Variants in PRDM11 observed in about 807,000 individuals in gnomAD.
PRDM11 encodes the protein PR/SET domain 11, also known as PR domain-containing protein 11.
A neutral mutation model predicts 97.8 loss-of-function variants in PRDM11; 20 were observed. The observed-to-expected ratio is 0.20, with a 90% confidence interval of 0.14 to 0.30. The LOEUF (loss-of-function observed/expected upper bound fraction) is 0.30. Among genes scored for constraint, PRDM11 ranks in the 10% least tolerant of loss-of-function variants. The pLI, the probability that PRDM11 is intolerant of heterozygous loss-of-function variation, is 1.00. For missense variants in PRDM11, 1,139 were observed against 1,555.2 expected, an observed-to-expected ratio of 0.73 and a Z score of 4.50; for synonymous variants, 599 against 637.7, an observed-to-expected ratio of 0.94 and a Z score of 0.91.
chr11:45,171,375 C>T (rs544586089), intron 1 of PRDM11, among the ~76,000 whole-genome samples: 40 of 152,302 alleles, frequency 2.6e-4, no homozygotes, highest in Middle Eastern at 3.4e-3. Flanking sequence ...GCTGGGATTA[C>T]AGGCCTCAGC....
In PRDM11 at chr11:45,138,537, C is replaced by T. The variant is rs542323720; in HGVS notation, c.96+42636C>T. Among the ~76,000 whole-genome samples, 515 of 152,244 alleles carry T rather than the reference C, an allele frequency of 3.4e-3. 4 individuals are homozygous for T. Among genetic ancestry groups the T allele is most frequent in the African/African-American group, 0.012 (494 of 41,532 alleles). On this transcript the variant is annotated intron_variant, in intron 1 of 6. Coordinates refer to the PRDM11 transcript ENST00000530656. ...GAGCCATGACCATGCCACTGAACTC[C>T]GGCTTGGGTGACAGAGCGAGACTCT...
chr11:45,129,056 A>G (rs953328114), intron 1 of PRDM11, among the ~76,000 whole-genome samples: 5 of 152,198 alleles, frequency 3.3e-5, no homozygotes, highest in Non-Finnish European at 7.4e-5. Flanking sequence ...TAAAGGAGAA[A>G]AAGCATATAA....
At chr11:45,162,618 G>C (rs1000075852) in intron 1 of PRDM11, among the ~76,000 whole-genome samples, 3 of 152,134 alleles carry the variant, frequency 2.0e-5, no homozygotes, top group Admixed American at 6.5e-5. Flanking sequence ...TTAATCTTCA[G>C]GGTAGCATCA....
At chr11:45,101,567 AAAGAAGAAG>A (rs1554963213) in intron 1 of PRDM11, among the ~76,000 whole-genome samples, 17 of 96,834 alleles carry the variant, frequency 1.8e-4, no homozygotes, top group African/African-American at 4.4e-4. Context: ...AAAAAAAAAA[AAAGAAGAAG>A]AAGAAGAAGA....
At chr11:45,151,035 C>G (rs114964946) in intron 1 of PRDM11, among the ~76,000 whole-genome samples, 1,561 of 152,300 alleles carry the variant, frequency 0.01, 26 homozygotes, top group African/African-American at 0.036. Flanking sequence ...GGAGTGAGGG[C>G]AGAGAACCCC....
Position 45,225,980 on chromosome 11 carries a change from C to T in PRDM11, c.1370-15C>T, listed in dbSNP as rs1444408083. 8 of 1,469,784 alleles carry T rather than the reference C, an allele frequency of 5.4e-6. No individual in the cohort carries two copies. The African/African-American group carries it at 7.1e-5, about 13-fold the overall frequency. The allele number at this position is 1,469,784 out of a possible 1,614,324, so 91.0% of individuals were successfully genotyped here. A position where few individuals can be genotyped will look rare whatever the true frequency, so the allele number is the denominator to read the frequency against. On this transcript the variant is annotated splice_polypyrimidine_tract_variant and intron_variant, in intron 7 of 7. Transcript: ENST00000683152. ...TCCCCCAGGTATAAATGTTTCTTTC[C>T]CATTTGTTTTTCAGCCTCAGAAAGC...
intron 1 of PRDM11, among the ~76,000 whole-genome samples, chr11:45,108,108 G>A (rs1427835160): frequency 2.0e-5 from 3 of 152,232 alleles, no homozygotes; most frequent in Admixed American, 6.5e-5. Context: ...GATTACAAGC[G>A]TGAGCCACTG....
At chr11:45,215,624 G>T (rs1271910050) in intron 5 of PRDM11, among the ~76,000 whole-genome samples, 1 of 152,218 alleles carries the variant, frequency 6.6e-6, no homozygotes, top group Non-Finnish European at 1.5e-5. Flanking sequence ...AAGATTTTCA[G>T]TTTCTGTTTC....
At position 45,227,424 on chromosome 11, in the gene PRDM11, C is replaced by A; in HGVS notation, c.2799C>A (p.Phe933Leu). The stretch of plus-strand genomic sequence containing the variant: ...CCCCGGGAGAATACCTGCAGGAGTT[C>A]GAGGAGAATTTCCGAGAGAGCTTCA... ...ADSPGEYLQE[F>L]EENFRESFNG... is the part of the protein sequence containing the mutation. The change falls in exon 8 of 8, where the codon TTC (phenylalanine) becomes TTA (leucine). Residue 933 changes from phenylalanine to leucine, a missense_variant. Phe to Leu is a conservative substitution (Grantham distance 22, BLOSUM62 0). Transcript: ENST00000683152. This position sits in a 1 kb window ranked among gnomAD's most constrained non-coding sequence, Gnocchi z 8.0. 1 of 1,533,828 alleles carries A rather than the reference C, an allele frequency of 6.5e-7. No individual in the cohort carries two copies. Among genetic ancestry groups the A allele is most frequent in the Non-Finnish European group, 8.7e-7 (1 of 1,146,714 alleles).
chr11:45,162,089 G>A (rs1005454863), intron 1 of PRDM11, among the ~76,000 whole-genome samples: 12 of 152,214 alleles, frequency 7.9e-5, no homozygotes, highest in African/African-American at 2.9e-4. Flanking sequence ...CAGAGGTTTG[G>A]GATTATTTCC....
chr11:45,212,693 A>G (rs1853798140), intron 5 of PRDM11: 1 of 455,612 alleles, frequency 2.2e-6, no homozygotes, highest in Non-Finnish European at 4.4e-6. Context: ...CAGCCCACCC[A>G]CCACGGGCCT....
intron 5 of PRDM11, among the ~76,000 whole-genome samples, chr11:45,218,360 T>C (rs1854016763): frequency 6.6e-6 from 1 of 152,242 alleles, no homozygotes; most frequent in African/African-American, 2.4e-5. Flanking sequence ...GATATTATCA[T>C]CTTTTAGAAA....
At chr11:45,128,372 G>A (rs1031211332) in intron 1 of PRDM11, among the ~76,000 whole-genome samples, 3 of 152,098 alleles carry the variant, frequency 2.0e-5, no homozygotes, top group African/African-American at 7.2e-5. Context: ...CCCACTGTCT[G>A]GCACTCCCTA....
intron 4 of PRDM11, among the ~76,000 whole-genome samples, chr11:45,189,652 G>A (rs1852838067): frequency 6.6e-6 from 1 of 152,210 alleles, no homozygotes; most frequent in South Asian, 2.1e-4. Flanking sequence ...ATATGAAATG[G>A]TGTTTTAGTG....
At chr11:45,149,318 C>T (rs966552761) in intron 1 of PRDM11, among the ~76,000 whole-genome samples, 2 of 152,338 alleles carry the variant, frequency 1.3e-5, no homozygotes, top group African/African-American at 2.4e-5. Context: ...TAAAAGCTAC[C>T]GAATGATCTG....
At chr11:45,174,920 A>G (rs1852291266) in intron 1 of PRDM11, among the ~76,000 whole-genome samples, 1 of 152,242 alleles carries the variant, frequency 6.6e-6, no homozygotes, top group South Asian at 2.1e-4. Flanking sequence ...AGTGTGGGAA[A>G]TTAAAAGTGT....
intron 1 of PRDM11, among the ~76,000 whole-genome samples, chr11:45,165,631 G>A (rs777766974): frequency 2.6e-5 from 4 of 152,242 alleles, no homozygotes; most frequent in African/African-American, 7.2e-5. Context: ...CCAGGGGATC[G>A]TTGCCATGTG....
intron 1 of PRDM11, among the ~76,000 whole-genome samples, chr11:45,158,836 G>T (rs922342057): frequency 6.6e-6 from 1 of 152,092 alleles, no homozygotes; most frequent in East Asian, 1.9e-4. Context: ...AGCCTGTTGT[G>T]CATGGCTTCT....
At chr11:45,098,893 T>C (rs1246264651) in intron 1 of PRDM11, among the ~76,000 whole-genome samples, 1 of 152,108 alleles carries the variant, frequency 6.6e-6, no homozygotes, top group Non-Finnish European at 1.5e-5. Flanking sequence ...CTGAGGAGTG[T>C]TGTACTAAGC....
Sources: allele counts gnomAD v4.1 joint callset (sites outside exome capture counted in the v4.1 genomes callset), GRCh38; gene constraint gnomAD v4.1.1; non-coding constraint Gnocchi (gnomAD v3.1); transcripts MANE v1.5; gene names NCBI Gene and HGNC (gene_info 2026-07-23, HGNC 2026-07-21).